The following SLC7A2 variants were observed in gnomAD, a reference collection of about 807,000 sequenced individuals.
SLC7A2 encodes solute carrier family 7 member 2.
SLC7A2 carries 48 observed loss-of-function variants against 58.9 expected under a neutral mutation model. The ratio of observed to expected loss-of-function variants is 0.82; its 90% CI spans 0.65 to 1.04. The LOEUF is 1.04. SLC7A2 is among the 50% of genes least tolerant of loss of function. The probability of loss-of-function intolerance (pLI) is 0.00; values close to 1 mark genes in which losing one functional copy is unlikely to be tolerated. For missense variants in SLC7A2, 1,029 were observed against 818.8 expected (o/e 1.26, Z -3.13); for synonymous variants, 363 against 314.5 (o/e 1.15, Z -1.63).
rs745585501 is a variant in SLC7A2 at position 17,560,384 on chromosome 8, T to A, written c.1355T>A (p.Leu452Gln). Residue 452 changes from leucine (L) to glutamine (Q), a missense_variant, in exon 10 of 13, where the codon CTG becomes CAG. By Grantham distance (113) the Leu-to-Gln change is moderately radical. Coordinates refer to ENST00000494857, the MANE Select transcript of SLC7A2 (RefSeq NM_001370338.1). Reference protein sequence around the residue: ...QPKCSPEKDGLGSSPRVTSKS... With the variant: ...QPKCSPEKDGQGSSPRVTSKS... ...AAATGTTCTCCTGAGAAAGATGGTC[T>A]GGGATCGTCTCCCAGGGTAACCTCG... 74 of 1,614,074 alleles carry A rather than the reference T, an allele frequency of 4.6e-5. No individual in the cohort carries two copies. Among genetic ancestry groups the A allele is most frequent in the Non-Finnish European group, 6.0e-5 (71 of 1,180,022 alleles).
intron 5 of SLC7A2, 97 bp downstream of exon 5, chr8:17,548,940 C>G (rs796277377): frequency 1.0e-6 from 1 of 977,440 alleles, no homozygotes; most frequent in Non-Finnish European, 1.5e-6. Flanking sequence ...TAAAGACATA[C>G]CCATGACTGG....
intron 2 of SLC7A2, among the ~76,000 whole-genome samples, chr8:17,509,957 C>G (rs946401628): frequency 6.6e-6 from 1 of 152,172 alleles, no homozygotes; most frequent in East Asian, 1.9e-4. Flanking sequence ...CAGTGGCTCA[C>G]GCCTGTAACC....
chr8:17,560,243 G>A, intron 9 of SLC7A2, 85 bp from the exon 10 acceptor site: 1 of 929,976 alleles, frequency 1.1e-6, no homozygotes, highest in Non-Finnish European at 1.7e-6. Context: ...TCTGTATGAT[G>A]TCTTACTTAA....
chr8:17,545,171 T>G (rs1802103857), intron 4 of SLC7A2, among the ~76,000 whole-genome samples: 1 of 152,162 alleles, frequency 6.6e-6, no homozygotes. Flanking sequence ...GGCACAGGAA[T>G]TCTAATAACC....
intron 8 of SLC7A2, among the ~76,000 whole-genome samples, chr8:17,555,904 C>A (rs1802679858): frequency 6.6e-6 from 1 of 152,078 alleles, no homozygotes; most frequent in South Asian, 2.1e-4. Flanking sequence ...AAGCTTTATA[C>A]ATAAAATAAT....
intron 2 of SLC7A2, among the ~76,000 whole-genome samples, chr8:17,510,313 C>G (rs1254957384): frequency 6.6e-6 from 1 of 152,002 alleles, no homozygotes; most frequent in African/African-American, 2.4e-5. Flanking sequence ...TCAAAATTGC[C>G]TAACTGATAA....
rs1330768270 is a variant in SLC7A2 at position 17,560,383 on chromosome 8, C to T, written c.1354C>T (p.Leu452=). 2 of 1,614,016 alleles carry T rather than the reference C, an allele frequency of 1.2e-6. No individual in the cohort carries two copies. The highest frequency in any genetic ancestry group is 1.7e-6 in the Non-Finnish European group (2 of 1,180,002). Residue 452 remains leucine (L), a synonymous_variant, in exon 10 of 13, where the codon CTG becomes TTG. Coordinates refer to ENST00000494857, the MANE Select transcript of SLC7A2 (RefSeq NM_001370338.1). Reference sequence around the variant, plus strand: ...CAAATGTTCTCCTGAGAAAGATGGTCTGGGATCGTCTCCCAGGGTAACCTC... The same window carrying T: ...CAAATGTTCTCCTGAGAAAGATGGTTTGGGATCGTCTCCCAGGGTAACCTC... ...QPKCSPEKDG[L]GSSPRVTSKS...
intron 8 of SLC7A2, among the ~76,000 whole-genome samples, chr8:17,556,657 G>A (rs980790669): frequency 4.6e-5 from 7 of 151,706 alleles, no homozygotes; most frequent in African/African-American, 1.7e-4. Context: ...CACCCAGGCT[G>A]GAGTGTAGTG....
intron 1 of SLC7A2, among the ~76,000 whole-genome samples, chr8:17,501,045 G>C (rs140203529): frequency 4.1e-5 from 6 of 147,614 alleles, no homozygotes; most frequent in African/African-American, 1.5e-4. Context: ...ACAGAGTCTC[G>C]TTCTGACGCC....
chr8:17,499,147 T>A (rs1278573506), intron 1 of SLC7A2: 1 of 152,220 alleles, frequency 6.6e-6, no homozygotes, highest in Non-Finnish European at 1.5e-5. Flanking sequence ...AGACCCGGAG[T>A]CCCCGTTGTG....
At chr8:17,518,803 C>G (rs1349001684) in intron 2 of SLC7A2, among the ~76,000 whole-genome samples, 1 of 152,136 alleles carries the variant, frequency 6.6e-6, no homozygotes, top group Admixed American at 6.5e-5. Flanking sequence ...TCTGCTTGAG[C>G]TGTCATAGTA....
At chr8:17,512,285 C>G (rs1563438196) in intron 2 of SLC7A2, among the ~76,000 whole-genome samples, 1 of 151,940 alleles carries the variant, frequency 6.6e-6, no homozygotes, top group Non-Finnish European at 1.5e-5. Flanking sequence ...CACAGCTCAC[C>G]CCTGTAATCC....
At chr8:17,531,105 T>C (rs1223550366) in intron 2 of SLC7A2, among the ~76,000 whole-genome samples, 3 of 152,196 alleles carry the variant, frequency 2.0e-5, no homozygotes, top group Non-Finnish European at 2.9e-5. Context: ...GCTGGTTTCC[T>C]GGAAATGGTG....
At chr8:17,505,358 C>T (rs1349288958) in intron 2 of SLC7A2, among the ~76,000 whole-genome samples, 1 of 152,136 alleles carries the variant, frequency 6.6e-6, no homozygotes, top group African/African-American at 2.4e-5. Context: ...TTTCCTCTTG[C>T]TGAAGAAGAC....
At chr8:17,498,431 G>C (rs1800033208) in intron 1 of SLC7A2, among the ~76,000 whole-genome samples, 1 of 152,202 alleles carries the variant, frequency 6.6e-6, no homozygotes, top group African/African-American at 2.4e-5. Context: ...TATAAGATGT[G>C]AATATTCTGT....
At position 17,550,403 on chromosome 8, in the gene SLC7A2, C is replaced by G. The variant is rs553457507; in HGVS notation, c.801C>G (p.Ala267=). The change falls in exon 6 of 13, where the codon GCC becomes GCG. Residue 267 remains alanine (A), a synonymous_variant. Transcript: ENST00000494857. ...CTGGTGCTGCAACTTGCTTTTATGC[C>G]TTTGTGGGATTTGACTGCATTGCAA... The part of the protein sequence containing the change: ...TLAGAATCFY[A]FVGFDCIATT... 1.9e-5 allele frequency: 30 copies of G among 1,613,840 alleles called. 1 individual carries two copies. In the Admixed American group the frequency reaches 3.8e-4, roughly 21 times the overall value.
chr8:17,522,816 G>A (rs993787948), intron 2 of SLC7A2, among the ~76,000 whole-genome samples: 1 of 152,038 alleles, frequency 6.6e-6, no homozygotes, highest in African/African-American at 2.4e-5. Flanking sequence ...TATGAGGATC[G>A]CTTGAGCCCA....
At chr8:17,528,562 A>G (rs1286568223) in intron 2 of SLC7A2, among the ~76,000 whole-genome samples, 5 of 151,996 alleles carry the variant, frequency 3.3e-5, no homozygotes, top group Non-Finnish European at 7.4e-5. Flanking sequence ...TAATTTTTAT[A>G]GAAACGGGGT....
rs141036066 is a variant in SLC7A2 at position 17,515,136 on chromosome 8, C to T, written c.-23+12834C>T. On this transcript the variant is annotated intron_variant, in intron 2 of 12. Coordinates refer to ENST00000494857, the MANE Select transcript of SLC7A2 (RefSeq NM_001370338.1). ...CAGATGAACCTTTAAACTTAAGAAACGTTTACCAACTCAATATTTATTTGA... is the reference window on the plus strand; with the variant it reads ...CAGATGAACCTTTAAACTTAAGAAATGTTTACCAACTCAATATTTATTTGA... Among the ~76,000 whole-genome samples the T allele has an allele frequency of 5.0e-4, 76 of 152,204 alleles. 1 individual carries two copies. Among genetic ancestry groups the T allele is most frequent in the Non-Finnish European group, 9.0e-4 (61 of 68,008 alleles).
Sources: gnomAD v4.1 joint callset for allele counts (sites outside exome capture counted in the v4.1 genomes callset) on GRCh38, gnomAD v4.1.1 for gene constraint, MANE v1.5 for transcripts, NCBI Gene and HGNC (gene_info 2026-07-23, HGNC 2026-07-21) for gene names.